The following TMEM132D variants were observed in gnomAD, a reference collection of about 807,000 sequenced individuals.
TMEM132D encodes mature OL transmembrane protein.
TMEM132D carries 21 observed loss-of-function variants against 62.3 expected under a neutral mutation model. That is an observed-to-expected ratio of 0.34 (90% confidence interval 0.24 to 0.49). TMEM132D has a LOEUF of 0.49. Among genes scored for constraint, TMEM132D ranks in the 20% least tolerant of loss-of-function variants. The pLI is 0.99. For synonymous variants in TMEM132D, 621 were observed against 575.6 expected (o/e 1.08, Z -1.13); for missense variants, 1,346 against 1,402.8 (o/e 0.96, Z 0.65).
intron 3 of TMEM132D, among the ~76,000 whole-genome samples, chr12:129,407,301 A>C (rs900679313): frequency 6.6e-6 from 1 of 152,200 alleles, no homozygotes; most frequent in Non-Finnish European, 1.5e-5. Context: ...ATAAACCTTT[A>C]AAATACAACA....
At chr12:129,083,706 A>G (rs1180069152) in intron 6 of TMEM132D, among the ~76,000 whole-genome samples, 1 of 152,200 alleles carries the variant, frequency 6.6e-6, no homozygotes, top group Non-Finnish European at 1.5e-5. Context: ...GATTCCAGGA[A>G]TATTTCCTTG....
intron 1 of TMEM132D, among the ~76,000 whole-genome samples, chr12:129,850,626 T>C (rs933597691): frequency 1.3e-5 from 2 of 152,184 alleles, no homozygotes; most frequent in African/African-American, 4.8e-5. Flanking sequence ...TTTATACATA[T>C]GTCTTCTATA....
chr12:129,160,617 T>C (rs1877374538), intron 5 of TMEM132D, among the ~76,000 whole-genome samples: 1 of 152,238 alleles, frequency 6.6e-6, no homozygotes, highest in Non-Finnish European at 1.5e-5. Flanking sequence ...CCATTCTATG[T>C]AGCCCTTGAC....
chr12:129,881,663 A>G (rs1874601816), intron 1 of TMEM132D, among the ~76,000 whole-genome samples: 1 of 152,078 alleles, frequency 6.6e-6, no homozygotes, highest in Non-Finnish European at 1.5e-5. Flanking sequence ...AGAAAAATGT[A>G]GACTATTAGG....
chr12:129,412,688 C>G (rs560026291), intron 3 of TMEM132D, among the ~76,000 whole-genome samples: 2 of 152,276 alleles, frequency 1.3e-5, no homozygotes, highest in South Asian at 2.1e-4. Context: ...AACCCCATCT[C>G]TACTAAAATA....
chr12:129,109,070 A>T (rs1256511501), intron 5 of TMEM132D, among the ~76,000 whole-genome samples: 1 of 152,228 alleles, frequency 6.6e-6, no homozygotes. Flanking sequence ...GAGATGGAAA[A>T]CTACTATCAC....
At chr12:129,876,542 T>G (rs1874421759) in intron 1 of TMEM132D, among the ~76,000 whole-genome samples, 1 of 152,278 alleles carries the variant, frequency 6.6e-6, no homozygotes, top group African/African-American at 2.4e-5. Flanking sequence ...CAAGACCAAC[T>G]TGCTTAAAGA....
chr12:129,268,014 A>G (rs1880742546), intron 4 of TMEM132D, among the ~76,000 whole-genome samples: 1 of 152,160 alleles, frequency 6.6e-6, no homozygotes, highest in African/African-American at 2.4e-5. Flanking sequence ...CCTTCCTTAC[A>G]CCTTATACAA....
intron 1 of TMEM132D, among the ~76,000 whole-genome samples, chr12:129,760,370 T>C (rs1030698495): frequency 9.1e-4 from 134 of 147,846 alleles, no homozygotes; most frequent in Non-Finnish European, 1.5e-3. Context: ...CTCGCTCTTT[T>C]GCCCAGGCTA....
chr12:129,315,286 T>C (rs954651940), intron 4 of TMEM132D, among the ~76,000 whole-genome samples: 1 of 152,218 alleles, frequency 6.6e-6, no homozygotes, highest in Non-Finnish European at 1.5e-5. Flanking sequence ...GAGTTTGTCA[T>C]AGATGGCTTT....
intron 4 of TMEM132D, among the ~76,000 whole-genome samples, chr12:129,302,872 G>A (rs1006368744): frequency 6.6e-6 from 1 of 152,164 alleles, no homozygotes; most frequent in Non-Finnish European, 1.5e-5. Context: ...TAAAGCAAGG[G>A]ACAGAGGCCT....
intron 3 of TMEM132D, among the ~76,000 whole-genome samples, chr12:129,343,258 G>A (rs1490589558): frequency 6.6e-6 from 1 of 152,154 alleles, no homozygotes; most frequent in Non-Finnish European, 1.5e-5. Flanking sequence ...AAAAAATGAT[G>A]AGTTCATGTC....
rs186130016 is a variant in TMEM132D, at chr12:129,151,171, G to A, written c.1443+58349C>T. On this transcript the variant is annotated intron_variant, in intron 5 of 8. Transcript: ENST00000422113. ...AAGCCTTTGTCCTAATGCAGGGCAT[G>A]GACTATGTTGACAAATTAGTGAACA... Among the ~76,000 whole-genome samples the A allele has an allele frequency of 1.2e-4, 19 of 152,264 alleles. No homozygotes were observed. In the East Asian group the frequency reaches 3.7e-3, roughly 29 times the overall value.
At chr12:129,480,850 A>T (rs1046284935) in intron 3 of TMEM132D, among the ~76,000 whole-genome samples, 2 of 152,236 alleles carry the variant, frequency 1.3e-5, no homozygotes, top group African/African-American at 4.8e-5. Context: ...GATGTGTCCC[A>T]GAACAATTCT....
At chr12:129,794,253 A>ATTTTTTTTTTTTTTTTTTTTTTTTTTTT (rs3046861) in intron 1 of TMEM132D, among the ~76,000 whole-genome samples, 1 of 111,576 alleles carries the variant, frequency 9.0e-6, no homozygotes. Context: ...CATGCCCAGC[A>ATTTTTTTTTTTTTTTTTTTTTTTTTTTT]TTTTTTTTTT....
intron 1 of TMEM132D, among the ~76,000 whole-genome samples, chr12:129,727,655 C>T (rs901797295): frequency 1.3e-5 from 2 of 152,120 alleles, no homozygotes; most frequent in Non-Finnish European, 2.9e-5. Context: ...TCATGAGCTT[C>T]CTGATGACTT....
chr12:129,603,366 T>G (rs952849367), intron 2 of TMEM132D, among the ~76,000 whole-genome samples: 9 of 152,238 alleles, frequency 5.9e-5, no homozygotes, highest in African/African-American at 2.2e-4. Flanking sequence ...TTTTGTCTTT[T>G]GCAAAATGTT....
At chr12:129,598,142 G>T (rs757622800) in intron 2 of TMEM132D, among the ~76,000 whole-genome samples, 5 of 152,176 alleles carry the variant, frequency 3.3e-5, no homozygotes, top group Non-Finnish European at 7.3e-5. Context: ...CACACTATAA[G>T]CCGGATTTCC....
intron 5 of TMEM132D, among the ~76,000 whole-genome samples, chr12:129,137,583 C>A (rs1377845441): frequency 6.6e-6 from 1 of 152,190 alleles, no homozygotes; most frequent in Non-Finnish European, 1.5e-5. Context: ...TTTCTATAAT[C>A]CCTTACAGGT....
Sources: allele counts gnomAD v4.1 joint callset (sites outside exome capture counted in the v4.1 genomes callset), GRCh38; gene constraint gnomAD v4.1.1; transcripts MANE v1.5; gene names NCBI Gene and HGNC (gene_info 2026-07-23, HGNC 2026-07-21).